KIAA0232: variants seen among roughly 807,000 people sequenced by gnomAD.
KIAA0232 encodes the protein uncharacterized protein KIAA0232.
KIAA0232 carries 27 observed loss-of-function variants against 122.0 expected under a neutral mutation model. That is an observed-to-expected ratio of 0.22 (90% CI 0.16 to 0.31). The LOEUF (loss-of-function observed/expected upper bound fraction) is 0.31. KIAA0232 is among the 10% of genes least tolerant of loss of function. The pLI is 1.00. For synonymous variants in KIAA0232, 613 were observed against 587.6 expected (o/e 1.04, Z -0.63); for missense variants, 1,551 against 1,634.2 (o/e 0.95, Z 0.88).
At chr4:6,818,399 CAAA>C (rs34255308) in intron 2 of KIAA0232, among the ~76,000 whole-genome samples, 8 of 81,890 alleles carry the variant, frequency 9.8e-5, no homozygotes, top group African/African-American at 1.7e-4. Flanking sequence ...GACTCCGTCT[CAAA>C]AAAAAAAAAA....
At chr4:6,841,794 AAATC>A (rs1472677177) in intron 3 of KIAA0232, among the ~76,000 whole-genome samples, 1 of 152,238 alleles carries the variant, frequency 6.6e-6, no homozygotes, top group Non-Finnish European at 1.5e-5. Context: ...TCTTTGAAAG[AAATC>A]AAAGAAGACC....
rs1482788823 is a variant in KIAA0232 at position 6,855,572 on chromosome 4, A to G, written c.370-1592A>G. ...AATATATATATATCACTCATATAGT[A>G]TACATATTTACTCATATATTAATAA... On this transcript the variant is annotated intron_variant, in intron 4 of 9. Coordinates refer to ENST00000307659, the MANE Select transcript of KIAA0232 (RefSeq NM_014743.3). This position sits in a 1 kb window ranked among gnomAD's most constrained non-coding sequence, Gnocchi z 4.3. 6.6e-6 allele frequency among the ~76,000 whole-genome samples: 1 copy of G among 152,144 alleles called. No homozygotes were observed. Among genetic ancestry groups the G allele is most frequent in the Non-Finnish European group, 1.5e-5 (1 of 68,040 alleles).
At chr4:6,798,640 C>G (rs79208583) in intron 1 of KIAA0232, among the ~76,000 whole-genome samples, 2,428 of 152,304 alleles carry the variant, frequency 0.016, 63 homozygotes, top group African/African-American at 0.055. Context: ...CACCCTTGAC[C>G]TCCAGGGCTC....
At chr4:6,805,740 TG>T (rs1250993815) in intron 2 of KIAA0232, among the ~76,000 whole-genome samples, 1 of 152,148 alleles carries the variant, frequency 6.6e-6, no homozygotes, top group Non-Finnish European at 1.5e-5. Flanking sequence ...GTTGACAAAG[TG>T]GGTTTCATCA....
chr4:6,846,208 C>T (rs942874531), intron 4 of KIAA0232, among the ~76,000 whole-genome samples: 3 of 152,056 alleles, frequency 2.0e-5, no homozygotes, highest in African/African-American at 7.2e-5. Flanking sequence ...ACCAGATGCT[C>T]GGTAATTACT....
At chr4:6,876,256 G>C (rs370328390) in intron 8 of KIAA0232, among the ~76,000 whole-genome samples, 25 of 152,270 alleles carry the variant, frequency 1.6e-4, no homozygotes, top group African/African-American at 5.8e-4. Flanking sequence ...TCCTATGAAC[G>C]TGCTATGATG....
chr4:6,873,072 C>A (rs1015131824), intron 8 of KIAA0232, among the ~76,000 whole-genome samples: 6 of 152,332 alleles, frequency 3.9e-5, no homozygotes, highest in African/African-American at 1.4e-4. Context: ...GCTGCTGCCG[C>A]CCTACCATTA....
chr4:6,867,400 G>A (rs866412783), intron 7 of KIAA0232, among the ~76,000 whole-genome samples: 34 of 152,200 alleles, frequency 2.2e-4, no homozygotes, highest in Middle Eastern at 3.2e-3. Flanking sequence ...ATGTGTGCAG[G>A]GCAGCTGTGA....
Position 6,862,106 on chromosome 4 carries a change from G to C in KIAA0232, c.1724G>C (p.Gly575Ala). 1 of 1,614,186 alleles carries C rather than the reference G, an allele frequency of 6.2e-7. No individual in the cohort carries two copies. The highest frequency in any genetic ancestry group is 8.5e-7 in the Non-Finnish European group (1 of 1,180,024). The change falls in exon 7 of 10, where the codon GGT becomes GCT. Residue 575 changes from glycine (G) to alanine (A), a missense_variant. Physicochemically the swap from Gly to Ala is moderately conservative, Grantham distance 60. This residue lies in a region of KIAA0232 where 1,108 missense variants were observed against 1,154.8 expected (regional missense o/e 0.96). Coordinates refer to ENST00000307659, the MANE Select transcript of KIAA0232 (RefSeq NM_014743.3). Reference protein sequence around the residue: ...AIWTDSTSSVGAEGLFLQDLG... With the variant: ...AIWTDSTSSVAAEGLFLQDLG... ...TGGACAGATTCTACCAGCTCCGTAG[G>C]TGCTGAGGGCTTATTCCTGCAGGAC...
At chr4:6,828,142 T>C (rs1326635263) in intron 3 of KIAA0232, among the ~76,000 whole-genome samples, 1 of 152,196 alleles carries the variant, frequency 6.6e-6, no homozygotes, top group African/African-American at 2.4e-5. Flanking sequence ...AACATCCTTA[T>C]GGGCAGAAAT....
At chr4:6,832,364 T>G (rs527747574) in intron 3 of KIAA0232, among the ~76,000 whole-genome samples, 1 of 151,598 alleles carries the variant, frequency 6.6e-6, no homozygotes, top group African/African-American at 2.4e-5. Context: ...TTTTTTTTTT[T>G]TGGAGAGGGA....
chr4:6,825,019 A>G (rs1042111123), intron 3 of KIAA0232, among the ~76,000 whole-genome samples: 3 of 152,250 alleles, frequency 2.0e-5, no homozygotes, highest in East Asian at 1.9e-4. Flanking sequence ...TCTACTATTT[A>G]GAAAACTCAC....
intron 8 of KIAA0232, 73 bp downstream of exon 8, chr4:6,871,755 AT>A: frequency 2.1e-6 from 2 of 937,810 alleles, no homozygotes; most frequent in Non-Finnish European, 3.4e-6. Context: ...TTCTTTTTCT[AT>A]GAATATCAGT....
At chr4:6,870,276 C>T (rs182753546) in intron 7 of KIAA0232, among the ~76,000 whole-genome samples, 10 of 152,186 alleles carry the variant, frequency 6.6e-5, no homozygotes, top group African/African-American at 2.2e-4. Flanking sequence ...AAGGACAGAG[C>T]CTGGGTTCAG....
At chr4:6,784,487 T>C (rs567204646) in intron 1 of KIAA0232, among the ~76,000 whole-genome samples, 65 of 152,280 alleles carry the variant, frequency 4.3e-4, no homozygotes, top group Non-Finnish European at 7.4e-4. Context: ...AGGTCAAATA[T>C]TCTTCCATCA....
At chr4:6,850,170 A>G (rs1463159145) in intron 4 of KIAA0232, among the ~76,000 whole-genome samples, 1 of 151,910 alleles carries the variant, frequency 6.6e-6, no homozygotes, top group African/African-American at 2.4e-5. Context: ...GCGTGGGGTT[A>G]GGGGCTGGGG....
Position 6,871,558 on chromosome 4 carries a change from G to T in KIAA0232, c.3802-16G>T. ...AAGTTTATAAACTTTTTCTGTATTT[G>T]GTTTAATCTAAACAGTTCCCTGTAT... On this transcript the variant is annotated splice_polypyrimidine_tract_variant and intron_variant, in intron 7 of 9. Transcript: ENST00000307659. 7.2e-7 allele frequency: 1 copy of T among 1,390,990 alleles called. No individual in the cohort carries two copies. The highest frequency in any genetic ancestry group is 1.2e-5 in the South Asian group (1 of 81,336). 86.2% of individuals were successfully genotyped at this position (1,390,990 alleles called of 1,614,324 possible).
intron 4 of KIAA0232, among the ~76,000 whole-genome samples, chr4:6,843,056 C>G (rs533116475): frequency 2.6e-5 from 4 of 152,254 alleles, no homozygotes; most frequent in African/African-American, 9.6e-5. Context: ...GAAAATATTA[C>G]AATATTATTT....
At position 6,862,767 on chromosome 4, in the gene KIAA0232, G is replaced by T; in HGVS notation, c.2385G>T (p.Gln795His). Residue 795 changes from glutamine to histidine, a missense_variant, in exon 7 of 10, where the codon CAG becomes CAT. Coordinates refer to ENST00000307659, the MANE Select transcript of KIAA0232 (RefSeq NM_014743.3). ...AACTAGAATCCGTCTGTGGTATTCA[G>T]CTAGAACAAAAAACAGAAAACAAAA... ...TSKLESVCGI[Q>H]LEQKTENKNF... The T allele has an allele frequency of 6.2e-7, 1 of 1,613,908 alleles. No homozygotes were observed. Among genetic ancestry groups the T allele is most frequent in the Non-Finnish European group, 8.5e-7 (1 of 1,179,984 alleles).
Sources: gnomAD v4.1 joint callset for allele counts (sites outside exome capture counted in the v4.1 genomes callset) on GRCh38, gnomAD v4.1.1 for gene constraint, gnomAD v4.1.1 regional missense constraint, Gnocchi (gnomAD v3.1) non-coding constraint, MANE v1.5 for transcripts, NCBI Gene and HGNC (gene_info 2026-07-23, HGNC 2026-07-21) for gene names.